Variants in PTPRT observed in about 807,000 individuals in gnomAD.
PTPRT encodes protein tyrosine phosphatase receptor type T.
In PTPRT, 56 loss-of-function variants were observed where a neutral mutation model predicts 176.8. The observed-to-expected ratio is 0.32, with a 90% CI of 0.26 to 0.40. PTPRT has a LOEUF of 0.40. Ranked by LOEUF, PTPRT falls within the 10% of genes least tolerant of loss-of-function variation. The probability of loss-of-function intolerance (pLI) is 1.00; values close to 1 mark genes in which losing one functional copy is unlikely to be tolerated. For synonymous variants in PTPRT, 783 were observed against 739.0 expected, an observed-to-expected ratio of 1.06 and a Z score of -0.96; for missense variants, 1,540 against 1,908.2, an observed-to-expected ratio of 0.81 and a Z score of 3.60.
chr20:42,633,784 A>AATATATATATATAT (rs752371452), intron 7 of PTPRT, among the ~76,000 whole-genome samples: 19 of 53,370 alleles, frequency 3.6e-4, no homozygotes, highest in African/African-American at 3.8e-4. Context: ...AGACTCTGAA[A>AATATATATATATAT]ATATATATAT....
intron 1 of PTPRT, among the ~76,000 whole-genome samples, chr20:43,070,866 T>A (rs1427227267): frequency 4.7e-5 from 7 of 150,108 alleles, no homozygotes; most frequent in Non-Finnish European, 8.9e-5. Context: ...ACACCTAATG[T>A]AAATGACGAG....
intron 7 of PTPRT, among the ~76,000 whole-genome samples, chr20:42,553,202 A>T (rs879666163): frequency 6.6e-6 from 1 of 152,198 alleles, no homozygotes; most frequent in Non-Finnish European, 1.5e-5. Context: ...GCTAGCTCAA[A>T]CAAAATCTCT....
rs562611296 is a variant in PTPRT, at chr20:42,242,902, A to G, written c.2312+5785T>C. Among the ~76,000 whole-genome samples the G allele has an allele frequency of 2.0e-5, 3 of 152,102 alleles. No individual in the cohort carries two copies. In the South Asian group the frequency reaches 6.3e-4, roughly 32 times the overall value. Reference sequence around the variant, plus strand: ...AGTACGAGCTTTATTTTTTAACACAATGCTGACTACAGTATGGAGGATAGG... The same window carrying G: ...AGTACGAGCTTTATTTTTTAACACAGTGCTGACTACAGTATGGAGGATAGG... On this transcript the variant is annotated intron_variant, in intron 14 of 30. Coordinates refer to ENST00000373187, the MANE Select transcript of PTPRT (RefSeq NM_007050.6).
intron 7 of PTPRT, among the ~76,000 whole-genome samples, chr20:42,566,963 G>A (rs1345661679): frequency 6.6e-6 from 1 of 152,070 alleles, no homozygotes; most frequent in Non-Finnish European, 1.5e-5. Context: ...TATTCCAAAA[G>A]TAAATGTTTA....
At chr20:42,321,553 G>A (rs780952687) in intron 11 of PTPRT, among the ~76,000 whole-genome samples, 4 of 152,080 alleles carry the variant, frequency 2.6e-5, no homozygotes, top group Non-Finnish European at 5.9e-5. Flanking sequence ...TTTCACCAAA[G>A]CATTAATACA....
intron 1 of PTPRT, among the ~76,000 whole-genome samples, chr20:42,937,596 G>A (rs1980272240): frequency 6.6e-6 from 1 of 152,098 alleles, no homozygotes; most frequent in Admixed American, 6.6e-5. Context: ...TCACCTTGTG[G>A]AGCCACCAGA....
At chr20:42,457,425 C>T (rs2070942863) in intron 8 of PTPRT, among the ~76,000 whole-genome samples, 1 of 152,030 alleles carries the variant, frequency 6.6e-6, no homozygotes, top group African/African-American at 2.4e-5. Context: ...TTTCTTGCTT[C>T]AATTGTTAGG....
chr20:42,509,527 T>G (rs997839024), intron 7 of PTPRT, among the ~76,000 whole-genome samples: 13 of 146,302 alleles, frequency 8.9e-5, no homozygotes, highest in Admixed American at 4.9e-4. Flanking sequence ...AATTTATAGA[T>G]ATATAAATTA....
At position 42,467,661 on chromosome 20, in the gene PTPRT, C is replaced by G. The variant is rs1243199250; in HGVS notation, c.1450+4605G>C. ...TGTCATGATTTCTGCACTTTACTTT[C>G]AAATGGTTAAAATATTGTATGTATT... On this transcript the variant is annotated intron_variant, in intron 8 of 30. Transcript: ENST00000373187. Among the ~76,000 whole-genome samples, 5 of 152,076 alleles carry G rather than the reference C, an allele frequency of 3.3e-5. No individual in the cohort carries two copies. The South Asian group carries it at 1.0e-3, about 32-fold the overall frequency.
downstream of PTPRT, among the ~76,000 whole-genome samples, chr20:42,071,148 G>C (rs533280908): frequency 5.3e-5 from 8 of 152,226 alleles, no homozygotes; most frequent in South Asian, 1.5e-3. Flanking sequence ...ACCCTGCCAG[G>C]GTTCCCAAGA....
chr20:43,001,142 G>GA (rs2146129381), intron 1 of PTPRT, among the ~76,000 whole-genome samples: 1 of 152,006 alleles, frequency 6.6e-6, no homozygotes, highest in South Asian at 2.1e-4. Flanking sequence ...TAGAAGGGAA[G>GA]AAAAAAGATG....
intron 7 of PTPRT, among the ~76,000 whole-genome samples, chr20:42,511,647 A>G (rs1490720751): frequency 6.6e-6 from 1 of 152,068 alleles, no homozygotes; most frequent in Admixed American, 6.6e-5. Flanking sequence ...AAACACATGT[A>G]TCTGGAGATC....
intron 14 of PTPRT, among the ~76,000 whole-genome samples, chr20:42,236,825 T>C (rs559122100): frequency 1.4e-4 from 22 of 152,070 alleles, no homozygotes; most frequent in Non-Finnish European, 3.1e-4. Context: ...GGCTCCCCAG[T>C]GATCTGCACT....
intron 1 of PTPRT, among the ~76,000 whole-genome samples, chr20:42,902,626 C>T (rs970220545): frequency 6.6e-6 from 1 of 152,150 alleles, no homozygotes; most frequent in African/African-American, 2.4e-5. Context: ...CCAACCACTG[C>T]CTTATTTTGT....
chr20:42,992,290 C>T lies in PTPRT; in HGVS notation c.89-106358G>A, dbSNP rs1983958565. On this transcript the variant is annotated intron_variant, in intron 1 of 30. Transcript: ENST00000373187. ...AATTGAACCCGGACATTGAAAAAAC[C>T]CCTCTGCTGATTCTAGACAAGTTGT... is the stretch of plus-strand genomic sequence containing the variant. Among the ~76,000 whole-genome samples the T allele has an allele frequency of 2.0e-5, 3 of 152,092 alleles. No homozygotes were observed. In the South Asian group the frequency reaches 6.2e-4, roughly 32 times the overall value.
At chr20:42,983,645 A>G (rs1983400287) in intron 1 of PTPRT, among the ~76,000 whole-genome samples, 1 of 152,214 alleles carries the variant, frequency 6.6e-6, no homozygotes, top group Admixed American at 6.5e-5. Context: ...AGACAAGTGT[A>G]GTCCACAGGG....
chr20:42,841,908 T>A (rs189160140), intron 2 of PTPRT, among the ~76,000 whole-genome samples: 7 of 152,360 alleles, frequency 4.6e-5, no homozygotes, highest in Admixed American at 3.3e-4. Context: ...CCAGAAGGCC[T>A]GTGACTTGTG....
intron 2 of PTPRT, among the ~76,000 whole-genome samples, chr20:42,862,357 C>T (rs1432210580): frequency 1.3e-5 from 2 of 152,150 alleles, no homozygotes; most frequent in Non-Finnish European, 2.9e-5. Context: ...GTTTGCCACA[C>T]AGGATGGCAG....
At chr20:42,492,890 A>T (rs2071585808) in intron 7 of PTPRT, among the ~76,000 whole-genome samples, 1 of 152,212 alleles carries the variant, frequency 6.6e-6, no homozygotes, top group Non-Finnish European at 1.5e-5. Context: ...TATTAAAATT[A>T]TTTAACACTA....
Sources: allele counts gnomAD v4.1 joint callset (sites outside exome capture counted in the v4.1 genomes callset), GRCh38; gene constraint gnomAD v4.1.1; transcripts MANE v1.5; gene names NCBI Gene and HGNC (gene_info 2026-07-23, HGNC 2026-07-21).